Variants in LRRC49 observed in about 807,000 individuals in gnomAD.
The protein encoded by LRRC49 is leucine-rich repeat-containing protein 49.
A neutral mutation model predicts 83.3 loss-of-function variants in LRRC49; 50 were observed. The ratio of observed to expected loss-of-function variants is 0.60; its 90% CI spans 0.48 to 0.76. The LOEUF (loss-of-function observed/expected upper bound fraction) is 0.76, where lower values mean the gene tolerates loss of function less well. Ranked by LOEUF, LRRC49 falls within the 30% of genes least tolerant of loss-of-function variation. The pLI is 0.00. For missense variants in LRRC49, 704 were observed against 809.1 expected (o/e 0.87, Z 1.58); for synonymous variants, 286 against 283.3 (o/e 1.01, Z -0.10).
intron 14 of LRRC49, among the ~76,000 whole-genome samples, chr15:71,024,396 G>A (rs2039091781): frequency 6.6e-6 from 1 of 152,150 alleles, no homozygotes; most frequent in East Asian, 1.9e-4. Flanking sequence ...AGAGACCCCG[G>A]AGGAAGGAGC....
chr15:70,866,425 G>T (rs187498770), intron 1 of LRRC49, among the ~76,000 whole-genome samples: 1 of 152,146 alleles, frequency 6.6e-6, no homozygotes, highest in Non-Finnish European at 1.5e-5. Flanking sequence ...GATTACAGGC[G>T]TGAGCGACCA....
At chr15:70,989,283 G>A (rs1340883305) in intron 11 of LRRC49, among the ~76,000 whole-genome samples, 5 of 152,244 alleles carry the variant, frequency 3.3e-5, no homozygotes, top group East Asian at 1.9e-4. Flanking sequence ...CCAATCAGAC[G>A]TAGATTTGGT....
At chr15:70,917,217 A>C (rs1038119886) in intron 6 of LRRC49, among the ~76,000 whole-genome samples, 8 of 152,218 alleles carry the variant, frequency 5.3e-5, no homozygotes, top group Middle Eastern at 3.2e-3. Flanking sequence ...CCTGGGCACC[A>C]TGAACAGCAG....
chr15:70,945,792 A>C (rs891774744), intron 8 of LRRC49, among the ~76,000 whole-genome samples: 3 of 152,162 alleles, frequency 2.0e-5, no homozygotes, highest in Admixed American at 6.5e-5. Context: ...ATTCTCCATA[A>C]GGAGGATACT....
At chr15:70,973,235 C>A (rs1454084448) in intron 9 of LRRC49, among the ~76,000 whole-genome samples, 2 of 151,618 alleles carry the variant, frequency 1.3e-5, no homozygotes, top group Non-Finnish European at 2.9e-5. Flanking sequence ...AACAGTCAGG[C>A]CCCTCTTCTG....
At chr15:71,043,485 C>T (rs2039758835) in intron 15 of LRRC49, among the ~76,000 whole-genome samples, 1 of 152,120 alleles carries the variant, frequency 6.6e-6, no homozygotes, top group Non-Finnish European at 1.5e-5. Flanking sequence ...AAAAGCATTA[C>T]TCAAGGAGCA....
Position 70,984,263 on chromosome 15 carries a change from C to T in LRRC49, c.1169+6C>T, listed in dbSNP as rs2037515216. On this transcript the variant is annotated splice_donor_region_variant and intron_variant, in intron 11 of 15. Coordinates refer to ENST00000260382, the MANE Select transcript of LRRC49 (RefSeq NM_017691.5). ...GCATTCCCAGAGGAAACAGGGTATG[C>T]AATGGTATTTTTTCAAGATACAAGC... The T allele has an allele frequency of 1.9e-6, 3 of 1,590,064 alleles. No homozygotes were observed. The highest frequency in any genetic ancestry group is 2.3e-5 in the East Asian group (1 of 44,248).
intron 15 of LRRC49, among the ~76,000 whole-genome samples, chr15:71,043,352 G>A (rs917369322): frequency 6.6e-6 from 1 of 152,092 alleles, no homozygotes; most frequent in African/African-American, 2.4e-5. Flanking sequence ...ATGAAATAAT[G>A]TAAACAATAT....
At chr15:70,979,392 T>G (rs1163897195) in intron 9 of LRRC49, among the ~76,000 whole-genome samples, 5 of 152,100 alleles carry the variant, frequency 3.3e-5, no homozygotes, top group African/African-American at 1.2e-4. Flanking sequence ...TGATTTGATG[T>G]GTATGATAAA....
At position 71,012,789 on chromosome 15, in the gene LRRC49, A is replaced by G. The variant is rs200191146; in HGVS notation, c.1594-15A>G. On this transcript the variant is annotated splice_polypyrimidine_tract_variant and intron_variant, in intron 13 of 15. Transcript: ENST00000260382. ...TGGTGTCATTTTTTTACCCCTTTCTATTGTGTCTCTTCAGGTGACACAGAA... is the reference window on the plus strand; with the variant it reads ...TGGTGTCATTTTTTTACCCCTTTCTGTTGTGTCTCTTCAGGTGACACAGAA... 6.8e-5 allele frequency: 101 copies of G among 1,486,896 alleles called. No individual in the cohort carries two copies. Among genetic ancestry groups the G allele is most frequent in the Non-Finnish European group, 8.7e-5 (93 of 1,071,088 alleles). The allele number at this position is 1,486,896 out of a possible 1,614,324, so 92.1% of individuals were successfully genotyped here.
chr15:70,901,166 A>G (rs2034061851), intron 4 of LRRC49, 142 bp downstream of exon 4: 1 of 545,112 alleles, frequency 1.8e-6, no homozygotes, highest in East Asian at 3.2e-5. Context: ...TTTTTTAACC[A>G]GTTTTTTGCT....
chr15:70,882,908 T>C (rs760393490), intron 2 of LRRC49: 12 of 1,613,640 alleles, frequency 7.4e-6, no homozygotes, highest in Non-Finnish European at 1.0e-5. Context: ...TCACACGTAA[T>C]CTAAAAATAC....
chr15:70,968,692 C>T (rs1019257057), intron 9 of LRRC49, among the ~76,000 whole-genome samples: 7 of 151,930 alleles, frequency 4.6e-5, no homozygotes, highest in African/African-American at 9.7e-5. Context: ...GCATGATTTG[C>T]GTTTCTCTAA....
chr15:70,894,446 T>A (rs1183141576), intron 2 of LRRC49: 1 of 336,136 alleles, frequency 3.0e-6, no homozygotes, highest in African/African-American at 2.2e-5. Context: ...GATATGAATA[T>A]GAGATTTTTT....
chr15:70,933,811 T>A (rs2035500637), intron 7 of LRRC49, among the ~76,000 whole-genome samples: 1 of 152,206 alleles, frequency 6.6e-6, no homozygotes, highest in Admixed American at 6.5e-5. Flanking sequence ...ATTAGGATGG[T>A]TGACAAAGCA....
intron 2 of LRRC49, among the ~76,000 whole-genome samples, chr15:70,884,481 C>T (rs2033350102): frequency 6.6e-6 from 1 of 152,014 alleles, no homozygotes; most frequent in Non-Finnish European, 1.5e-5. Context: ...GATCACACCA[C>T]TGCACTCCAG....
intron 1 of LRRC49, among the ~76,000 whole-genome samples, chr15:70,858,277 A>G (rs959288262): frequency 1.3e-5 from 2 of 152,218 alleles, no homozygotes; most frequent in Non-Finnish European, 2.9e-5. Context: ...GCATCTTTCT[A>G]TAGTTTCTTT....
chr15:71,043,473 G>A (rs2039758391), intron 15 of LRRC49, among the ~76,000 whole-genome samples: 1 of 152,156 alleles, frequency 6.6e-6, no homozygotes, highest in Non-Finnish European at 1.5e-5. Flanking sequence ...TTTGGGAATG[G>A]AAAAAGCATT....
intron 11 of LRRC49, among the ~76,000 whole-genome samples, chr15:71,007,709 G>GTATATATATATATATA (rs55946096): frequency 4.1e-4 from 56 of 137,668 alleles, no homozygotes; most frequent in East Asian, 1.3e-3. Flanking sequence ...TGAGAAGCAT[G>GTATATATATATATATA]TATATATATA....
Sources: allele counts gnomAD v4.1 joint callset (sites outside exome capture counted in the v4.1 genomes callset), GRCh38; gene constraint gnomAD v4.1.1; transcripts MANE v1.5; gene names NCBI Gene and HGNC (gene_info 2026-07-23, HGNC 2026-07-21).